BEND5: variants seen among roughly 807,000 people sequenced by gnomAD.
The protein encoded by BEND5 is BEN domain containing 5.
BEND5 carries 22 observed loss-of-function variants against 43.9 expected under a neutral mutation model. The ratio of observed to expected loss-of-function variants is 0.50; its 90% CI spans 0.36 to 0.72. The LOEUF (loss-of-function observed/expected upper bound fraction) is 0.72. Ranked by LOEUF, BEND5 falls within the 30% of genes least tolerant of loss-of-function variation. The probability of loss-of-function intolerance (pLI) is 0.00; values close to 1 mark genes in which losing one functional copy is unlikely to be tolerated. For missense variants in BEND5, 428 were observed against 550.6 expected, an observed-to-expected ratio of 0.78 and a Z score of 2.23; for synonymous variants, 228 against 225.9, an observed-to-expected ratio of 1.01 and a Z score of -0.08.
intron 4 of BEND5, among the ~76,000 whole-genome samples, chr1:48,742,364 T>C (rs1353872115): frequency 6.6e-6 from 1 of 151,942 alleles, no homozygotes. Flanking sequence ...TATTTTAAAA[T>C]GTCAATTTAC....
rs544460557 is a variant in BEND5, at chr1:48,758,818, C to T, written c.745+82G>A. The stretch of plus-strand genomic sequence containing the variant: ...TAGCCTCAGGGCACTTGGTCTCCCT[C>T]TCCCCTTTCCCTTCCTGGAAGAGGA... On this transcript the variant is annotated intron_variant, in intron 3 of 5. Transcript: ENST00000371833. 3.1e-4 allele frequency: 406 copies of T among 1,306,700 alleles called. 5 individuals carry two copies. The South Asian group carries it at 5.9e-3, about 19-fold the overall frequency. The allele number at this position is 1,306,700 out of a possible 1,614,324, so 80.9% of individuals were successfully genotyped here.
intron 3 of BEND5, among the ~76,000 whole-genome samples, chr1:48,756,155 T>C (rs1028487782): frequency 1.3e-5 from 2 of 152,222 alleles, no homozygotes; most frequent in African/African-American, 4.8e-5. Context: ...ATGAGAACAC[T>C]GAGGGTCAGA....
At chr1:48,776,154 C>G (rs1265217582) in intron 1 of BEND5, among the ~76,000 whole-genome samples, 1 of 151,982 alleles carries the variant, frequency 6.6e-6, no homozygotes, top group African/African-American at 2.4e-5. Flanking sequence ...CAAGGAGGTA[C>G]CAACAGCCTT....
intron 3 of BEND5, among the ~76,000 whole-genome samples, chr1:48,744,667 C>A (rs900438482): frequency 6.6e-6 from 1 of 152,208 alleles, no homozygotes; most frequent in Non-Finnish European, 1.5e-5. Context: ...TCTCTCCCAT[C>A]CATCTCTATA....
intron 3 of BEND5, among the ~76,000 whole-genome samples, chr1:48,754,259 C>T (rs1031432175): frequency 5.9e-5 from 9 of 152,148 alleles, no homozygotes; most frequent in Non-Finnish European, 1.3e-4. Flanking sequence ...TTACCCTCCC[C>T]CAACTGGGTC....
chr1:48,745,338 TAAGTTG>T (rs905985032), intron 3 of BEND5, among the ~76,000 whole-genome samples: 1 of 152,124 alleles, frequency 6.6e-6, no homozygotes. Flanking sequence ...TCAGGGCTGT[TAAGTTG>T]AAATCAGAAG....
At chr1:48,772,502 G>C (rs962479944) in intron 1 of BEND5, among the ~76,000 whole-genome samples, 2 of 152,156 alleles carry the variant, frequency 1.3e-5, no homozygotes, top group African/African-American at 2.4e-5. Context: ...GTTCACAGAA[G>C]AGTAAAAAAT....
At chr1:48,732,702 G>A (rs571002804) in intron 5 of BEND5, among the ~76,000 whole-genome samples, 1 of 152,260 alleles carries the variant, frequency 6.6e-6, no homozygotes, top group East Asian at 1.9e-4. Flanking sequence ...ATAAGATGAG[G>A]TCAGAGGCGT....
At chr1:48,733,361 A>G (rs1413669227) in intron 5 of BEND5, among the ~76,000 whole-genome samples, 1 of 152,224 alleles carries the variant, frequency 6.6e-6, no homozygotes, top group African/African-American at 2.4e-5. Flanking sequence ...CCTTTGGGAC[A>G]GGAGGCAGGA....
rs187202004 is a variant in BEND5 at position 48,743,083 on chromosome 1, C to T, written c.746-312G>A. 5.3e-5 allele frequency among the ~76,000 whole-genome samples: 8 copies of T among 152,224 alleles called. No individual in the cohort carries two copies. The South Asian group carries it at 6.2e-4, about 12-fold the overall frequency. On this transcript the variant is annotated intron_variant, in intron 3 of 5. Coordinates refer to ENST00000371833, the MANE Select transcript of BEND5 (RefSeq NM_024603.4). ...CCTGCATAGGAAAGAGGTTCTGTTA[C>T]GCCTGGGTTGGAGGAGAAGGGGTGG...
chr1:48,753,917 T>A (rs1487307116), intron 3 of BEND5, among the ~76,000 whole-genome samples: 1 of 152,202 alleles, frequency 6.6e-6, no homozygotes, highest in Non-Finnish European at 1.5e-5. Context: ...AAAACCATCA[T>A]CTGCCTCCCT....
intron 1 of BEND5, among the ~76,000 whole-genome samples, chr1:48,773,856 T>C (rs1426913243): frequency 6.6e-6 from 1 of 152,328 alleles, no homozygotes; most frequent in South Asian, 2.1e-4. Context: ...CTTAGAGGAC[T>C]AACAGAGATA....
At chr1:48,730,090 C>T (rs1418134340) in intron 5 of BEND5, among the ~76,000 whole-genome samples, 1 of 152,100 alleles carries the variant, frequency 6.6e-6, no homozygotes, top group African/African-American at 2.4e-5. Flanking sequence ...GTTAGGAGAC[C>T]CCACTCTACC....
intron 5 of BEND5, among the ~76,000 whole-genome samples, chr1:48,735,469 G>T (rs980394096): frequency 2.0e-5 from 3 of 151,512 alleles, no homozygotes; most frequent in African/African-American, 7.3e-5. Flanking sequence ...GAGGAAGGAG[G>T]AAAGGAAGGA....
At chr1:48,765,187 T>C (rs1462399752) in intron 1 of BEND5, among the ~76,000 whole-genome samples, 1 of 152,238 alleles carries the variant, frequency 6.6e-6, no homozygotes, top group Non-Finnish European at 1.5e-5. Flanking sequence ...TCTTATCCAC[T>C]GGCGTATGAG....
chr1:48,774,345 A>G (rs1644974297), intron 1 of BEND5, among the ~76,000 whole-genome samples: 1 of 152,174 alleles, frequency 6.6e-6, no homozygotes, highest in Admixed American at 6.5e-5. Context: ...TTGAAGATAC[A>G]TAGGAGTTAT....
At chr1:48,743,226 C>A (rs2148599895) in intron 3 of BEND5, among the ~76,000 whole-genome samples, 1 of 152,212 alleles carries the variant, frequency 6.6e-6, no homozygotes, top group East Asian at 1.9e-4. Flanking sequence ...AATGTTAAGG[C>A]CTCCCCCTCC....
At chr1:48,761,568 G>C (rs1557960812) in intron 1 of BEND5, 98 bp from the exon 2 acceptor site, 1 of 1,264,744 alleles carries the variant, frequency 7.9e-7, no homozygotes, top group African/African-American at 1.5e-5. Context: ...AAATAATTGA[G>C]GCCAGACCAG....
At chr1:48,735,077 C>A (rs2148570859) in intron 5 of BEND5, among the ~76,000 whole-genome samples, 1 of 152,322 alleles carries the variant, frequency 6.6e-6, no homozygotes, top group East Asian at 1.9e-4. Flanking sequence ...TAGTAGCCAA[C>A]AGTAGGGTTG....
Sources: allele counts gnomAD v4.1 joint callset (sites outside exome capture counted in the v4.1 genomes callset), GRCh38; gene constraint gnomAD v4.1.1; transcripts MANE v1.5; gene names NCBI Gene and HGNC (gene_info 2026-07-23, HGNC 2026-07-21).